Variants in MCFD2 observed in about 807,000 individuals in gnomAD.
MCFD2 encodes the protein multiple coagulation factor deficiency 2, ER cargo receptor complex subunit, also known as multiple coagulation factor deficiency protein 2.
A neutral mutation model predicts 12.8 loss-of-function variants in MCFD2; 11 were observed. The ratio of observed to expected loss-of-function variants is 0.86; its 90% CI spans 0.54 to 1.42. MCFD2 has a LOEUF of 1.42. Among genes scored for constraint, MCFD2 ranks in the 40% most tolerant of loss-of-function variants. The pLI, the probability that MCFD2 is intolerant of heterozygous loss-of-function variation, is 0.00. For missense variants in MCFD2, 191 were observed against 178.6 expected, an observed-to-expected ratio of 1.07 and a Z score of -0.40; for synonymous variants, 70 against 68.1, an observed-to-expected ratio of 1.03 and a Z score of -0.14.
upstream of MCFD2, among the ~76,000 whole-genome samples, chr2:46,920,789 A>C (rs974026858): frequency 3.3e-5 from 5 of 152,076 alleles, no homozygotes; most frequent in East Asian, 9.6e-4. Flanking sequence ...TATGTGGCAA[A>C]CTTCTGAGGT....
upstream of MCFD2, among the ~76,000 whole-genome samples, chr2:46,919,821 AG>A (rs922974524): frequency 1.3e-5 from 2 of 152,360 alleles, no homozygotes; most frequent in Admixed American, 1.3e-4. Flanking sequence ...AAGAAACTGC[AG>A]TTTCTTTTGT....
intron 1 of MCFD2, among the ~76,000 whole-genome samples, chr2:46,920,994 G>A (rs1016447006): frequency 1.3e-5 from 2 of 150,960 alleles, no homozygotes; most frequent in Non-Finnish European, 2.9e-5. Flanking sequence ...AAAACTTTCA[G>A]CAAACTGAGA....
intron 1 of MCFD2, among the ~76,000 whole-genome samples, chr2:46,925,351 A>T (rs1271297933): frequency 6.6e-6 from 1 of 152,122 alleles, no homozygotes. Context: ...TGAGGTCAGG[A>T]GTTCGAGACT....
At chr2:46,905,881 C>T (rs890280311) in intron 3 of MCFD2, 39 of 529,486 alleles carry the variant, frequency 7.4e-5, no homozygotes, top group Non-Finnish European at 1.2e-4. Context: ...AAAAGAAGGC[C>T]CTTCAAAATA....
Position 46,904,289 on chromosome 2 carries a change from CAG to C in MCFD2, c.*1172_*1173del, listed in dbSNP as rs1668128581. 6.6e-6 allele frequency: 1 copy of C among 152,400 alleles called. No homozygotes were observed. The highest frequency in any genetic ancestry group is 1.5e-5 in the Non-Finnish European group (1 of 68,186). The allele number at this position is 152,400 out of a possible 1,614,324, so 9.4% of individuals were successfully genotyped here. ...GAAATGTGGTGTGGGAGCCCCCACA[CAG>C]AGTCCCTACTGGGGCACTGCCTAGT... On this transcript the variant is annotated 3_prime_UTR_variant, in exon 4 of 4. Coordinates refer to ENST00000319466, the MANE Select transcript of MCFD2 (RefSeq NM_139279.6).
chr2:46,909,399 G>C (rs1668389296), intron 1 of MCFD2, among the ~76,000 whole-genome samples: 1 of 152,198 alleles, frequency 6.6e-6, no homozygotes, highest in African/African-American at 2.4e-5. Context: ...GTTTCCTGAA[G>C]TGCCTGCAGA....
intron 1 of MCFD2, among the ~76,000 whole-genome samples, chr2:46,921,714 G>T (rs1669111937): frequency 6.6e-6 from 1 of 152,176 alleles, no homozygotes; most frequent in African/African-American, 2.4e-5. Context: ...GGAAGTGGTT[G>T]GGGGAGGGAC....
In MCFD2 at chr2:46,904,876, G is replaced by C. The variant is rs984765706; in HGVS notation, c.*587C>G. 5.5e-6 allele frequency: 1 copy of C among 183,168 alleles called. No homozygotes were observed. The highest frequency in any genetic ancestry group is 2.4e-5 in the African/African-American group (1 of 41,996). 11.3% of individuals were successfully genotyped at this position (183,168 alleles called of 1,614,324 possible). A position where few individuals can be genotyped will look rare whatever the true frequency, so the allele number is the denominator to read the frequency against. On this transcript the variant is annotated 3_prime_UTR_variant, in exon 4 of 4. Coordinates refer to ENST00000319466, the MANE Select transcript of MCFD2 (RefSeq NM_139279.6). Reference sequence around the variant, plus strand: ...GGAGGGGCCAGGGGTAGAATGATATGGTTTGGCTATGTCCCCACCCAAATC... The same window carrying C: ...GGAGGGGCCAGGGGTAGAATGATATCGTTTGGCTATGTCCCCACCCAAATC...
chr2:46,937,385 G>GA lies in MCFD2; in HGVS notation c.-8+4186dup, dbSNP rs914456715. 5.5e-4 allele frequency among the ~76,000 whole-genome samples: 82 copies of GA among 148,762 alleles called. No individual in the cohort carries two copies. Among genetic ancestry groups the GA allele is most frequent in the Middle Eastern group, 6.9e-3 (2 of 288 alleles). On this transcript the variant is annotated intron_variant, in intron 1 of 2. Transcript: ENST00000409147. The surrounding 1 kb of genome is among the most constrained non-coding windows in gnomAD (Gnocchi z 4.0). The stretch of plus-strand genomic sequence containing the variant: ...CCAAAGCTCACTTAACTTCAGAATA[G>GA]AAAAAAAAAATCTCTATGGTGGATT...
At chr2:46,938,204 A>C (rs987394330) in intron 1 of MCFD2, among the ~76,000 whole-genome samples, 3 of 152,206 alleles carry the variant, frequency 2.0e-5, no homozygotes, top group African/African-American at 7.2e-5. Context: ...TCAAGTCACC[A>C]ATGAAGGTGT....
rs1413303875 is a variant in MCFD2, at chr2:46,940,772, T to A, written c.-8+800A>T. Reference sequence around the variant, plus strand: ...GGGCCTGGGTCCTCGCGAGCATGCCTGGCCCGCATCGCAACAGGGCGGGGC... The same window carrying A: ...GGGCCTGGGTCCTCGCGAGCATGCCAGGCCCGCATCGCAACAGGGCGGGGC... On this transcript the variant is annotated intron_variant, in intron 1 of 2. Coordinates refer to the MCFD2 transcript ENST00000409147. This position sits in a 1 kb window ranked among gnomAD's most constrained non-coding sequence, Gnocchi z 4.7. 6.6e-6 allele frequency among the ~76,000 whole-genome samples: 1 copy of A among 152,182 alleles called. No individual in the cohort carries two copies. Among genetic ancestry groups the A allele is most frequent in the Admixed American group, 6.5e-5 (1 of 15,286 alleles).
At position 46,907,960 on chromosome 2, in the gene MCFD2, C is replaced by G; in HGVS notation, c.159G>C (p.Met53Ile). 1 of 1,614,164 alleles carries G rather than the reference C, an allele frequency of 6.2e-7. No individual in the cohort carries two copies. The highest frequency in any genetic ancestry group is 8.5e-7 in the Non-Finnish European group (1 of 1,180,042). Residue 53 changes from methionine (M) to isoleucine (I), a missense_variant, in exon 3 of 4, where the codon ATG becomes ATC. Transcript: ENST00000319466. This position sits in a 1 kb window ranked among gnomAD's most constrained non-coding sequence, Gnocchi z 4.1. ...TGTTGATGACACCTTCTAGATGCTC[C>G]ATGATATGCCTAAAAATCAACAGTC... is the stretch of plus-strand genomic sequence containing the variant. ...KNTVHDQEHI[M>I]EHLEGVINKP...
rs1668065330 is a variant in MCFD2, at chr2:46,902,794, T to G, written c.*2669A>C. The G allele has an allele frequency of 1.3e-5, 2 of 152,234 alleles. No individual in the cohort carries two copies. The highest frequency in any genetic ancestry group is 6.5e-5 in the Admixed American group (1 of 15,278). The allele number at this position is 152,234 out of a possible 1,614,324, so 9.4% of individuals were successfully genotyped here. A position where few individuals can be genotyped will look rare whatever the true frequency, so the allele number is the denominator to read the frequency against. ...AGGCCAGGGGAACTTTACAGAATAC[T>G]GACCATGTTTGCCTGAAGAGATAGG... On this transcript the variant is annotated 3_prime_UTR_variant, in exon 4 of 4. Transcript: ENST00000319466.
Position 46,905,553 on chromosome 2 carries a change from C to A in MCFD2, c.351G>T (p.Leu117=). 2 of 1,613,280 alleles carry A rather than the reference C, an allele frequency of 1.2e-6. No individual in the cohort carries two copies. The highest frequency in any genetic ancestry group is 1.7e-6 in the Non-Finnish European group (2 of 1,179,324). Reference sequence around the variant, plus strand: ...TCAAAACACCATCTATTATGTTAATCAGTTCATCTTCACTCATTAGTGGTG... The same window carrying A: ...TCAAAACACCATCTATTATGTTAATAAGTTCATCTTCACTCATTAGTGGTG... ...EQAPLMSEDE[L]INIIDGVLRD... Residue 117 remains leucine, a synonymous_variant, in exon 4 of 4, where the codon CTG becomes CTT. Coordinates refer to ENST00000319466, the MANE Select transcript of MCFD2 (RefSeq NM_139279.6).
chr2:46,916,808 T>C (rs1348286226), upstream of MCFD2, among the ~76,000 whole-genome samples: 1 of 151,888 alleles, frequency 6.6e-6, no homozygotes, highest in Non-Finnish European at 1.5e-5. Flanking sequence ...CTAATTTTTG[T>C]ATTTTTAGTA....
intron 1 of MCFD2, among the ~76,000 whole-genome samples, chr2:46,915,425 A>G (rs1018316992): frequency 6.6e-6 from 1 of 152,082 alleles, no homozygotes; most frequent in Non-Finnish European, 1.5e-5. Context: ...CCGGGCCAGG[A>G]GCAGTGTCCA....
chr2:46,903,083 C>G lies in MCFD2; in HGVS notation c.*2380G>C, dbSNP rs1668076823. ...AATTCCCACGTGTTGTGGGACAGAC[C>G]CAGGGGGAGGTAATTGAATCATGGG... On this transcript the variant is annotated 3_prime_UTR_variant, in exon 4 of 4. Transcript: ENST00000319466. The G allele has an allele frequency of 6.6e-6, 1 of 152,102 alleles. No homozygotes were observed. Among genetic ancestry groups the G allele is most frequent in the Non-Finnish European group, 1.5e-5 (1 of 68,054 alleles). 9.4% of individuals were successfully genotyped at this position (152,102 alleles called of 1,614,324 possible).
chr2:46,920,624 C>G (rs1424764074), upstream of MCFD2, among the ~76,000 whole-genome samples: 1 of 151,214 alleles, frequency 6.6e-6, no homozygotes, highest in Non-Finnish European at 1.5e-5. Context: ...AACCACCATG[C>G]CTGGCCTTAG....
chr2:46,917,203 C>T, upstream of MCFD2: 2 of 701,080 alleles, frequency 2.9e-6, no homozygotes, highest in Non-Finnish European at 5.2e-6. Context: ...TCCATGGTGC[C>T]CAGCTCGTCT....
Sources: allele counts gnomAD v4.1 joint callset (sites outside exome capture counted in the v4.1 genomes callset), GRCh38; gene constraint gnomAD v4.1.1; non-coding constraint Gnocchi (gnomAD v3.1); transcripts MANE v1.5; gene names NCBI Gene and HGNC (gene_info 2026-07-23, HGNC 2026-07-21).